The following PPP1R12A variants were observed in gnomAD, a reference collection of about 807,000 sequenced individuals.
PPP1R12A encodes protein phosphatase 1 regulatory subunit 12A.
A neutral mutation model predicts 139.6 loss-of-function variants in PPP1R12A; 19 were observed. The ratio of observed to expected loss-of-function variants is 0.14; its 90% CI spans 0.09 to 0.20. The LOEUF is 0.20. PPP1R12A is among the 10% of genes least tolerant of loss of function. PPP1R12A has a pLI of 1.00. For synonymous variants in PPP1R12A, 427 were observed against 420.6 expected (o/e 1.02, Z -0.19); for missense variants, 925 against 1,211.5 (o/e 0.76, Z 3.51).
At chr12:79,878,300 C>T (rs1883311389) in intron 1 of PPP1R12A, 1 of 152,000 alleles carries the variant, frequency 6.6e-6, no homozygotes, top group Non-Finnish European at 1.5e-5. Flanking sequence ...TCCTGAAGTT[C>T]CACATACCAA....
At position 79,933,672 on chromosome 12, in the gene PPP1R12A, A is replaced by C. The variant is rs1309533118; in HGVS notation, c.237+1023T>G. ...GTCACTTAAAAATTGCTTTTTATGC[A>C]TAACTCTACGTGGTTGTGTTGCTTT... On this transcript the variant is annotated intron_variant, in intron 1 of 24. Coordinates refer to ENST00000450142, the MANE Select transcript of PPP1R12A (RefSeq NM_002480.3). Among the ~76,000 whole-genome samples, 3 of 152,246 alleles carry C rather than the reference A, an allele frequency of 2.0e-5. No individual in the cohort carries two copies. The South Asian group carries it at 6.2e-4, about 31-fold the overall frequency.
intron 1 of PPP1R12A, among the ~76,000 whole-genome samples, chr12:79,886,123 G>A (rs999300917): frequency 6.6e-6 from 1 of 152,170 alleles, no homozygotes; most frequent in African/African-American, 2.4e-5. Context: ...TATGTTTAAA[G>A]AGGAACTGAA....
intron 1 of PPP1R12A, among the ~76,000 whole-genome samples, chr12:79,874,949 G>A (rs1304541699): frequency 6.6e-6 from 1 of 152,140 alleles, no homozygotes; most frequent in Non-Finnish European, 1.5e-5. Flanking sequence ...ATCTAAGCAT[G>A]CTGATTCCTT....
At chr12:79,853,015 G>A (rs1292412854) in intron 2 of PPP1R12A, among the ~76,000 whole-genome samples, 1 of 152,144 alleles carries the variant, frequency 6.6e-6, no homozygotes, top group Non-Finnish European at 1.5e-5. Flanking sequence ...ACCATTCTAT[G>A]GGAATTAAAG....
chr12:79,873,792 T>C (rs1416369907), intron 1 of PPP1R12A, among the ~76,000 whole-genome samples: 2 of 152,174 alleles, frequency 1.3e-5, no homozygotes, highest in Non-Finnish European at 2.9e-5. Context: ...GGGAAGTGTA[T>C]GTTAAAGCAC....
Position 79,786,396 on chromosome 12 carries a change from A to G in PPP1R12A, c.2885T>C (p.Leu962Ser). The G allele has an allele frequency of 6.4e-7, 1 of 1,555,648 alleles. No homozygotes were observed. The highest frequency in any genetic ancestry group is 2.3e-5 in the East Asian group (1 of 42,774). ...DTNMELTDLKLQLEKATQRQE... is the reference protein window; with the variant it reads ...DTNMELTDLKSQLEKATQRQE... ...AACCTGGGTGGCCTTTTCCAACTGT[A>G]ATTTAAGATCTGTTAGTTCCATATT... Residue 962 changes from leucine to serine, a missense_variant, in exon 22 of 25, where the codon TTA becomes TCA. This residue lies in a region of PPP1R12A where 315 missense variants were observed against 363.4 expected (regional missense o/e 0.87). Transcript: ENST00000450142.
intron 9 of PPP1R12A, among the ~76,000 whole-genome samples, chr12:79,812,391 C>CGTGTGTGCGTGTGTGT (rs1555202886): frequency 3.0e-5 from 4 of 134,510 alleles, no homozygotes; most frequent in African/African-American, 1.1e-4. Context: ...TCTGTGTGTG[C>CGTGTGTGCGTGTGTGT]GTGTGTGTGT....
intron 1 of PPP1R12A, among the ~76,000 whole-genome samples, chr12:79,879,681 A>G (rs1883446036): frequency 6.6e-6 from 1 of 152,154 alleles, no homozygotes; most frequent in African/African-American, 2.4e-5. Context: ...TGGTGATAAG[A>G]CTCAGAACCA....
chr12:79,773,859 T>C lies in PPP1R12A; in HGVS notation c.*2070A>G, dbSNP rs1869485560. 6.6e-6 allele frequency: 1 copy of C among 152,256 alleles called. No homozygotes were observed. The highest frequency in any genetic ancestry group is 6.5e-5 in the Admixed American group (1 of 15,288). 9.4% of individuals were successfully genotyped at this position (152,256 alleles called of 1,614,324 possible). ...TTCATTTTATTTGTATATGTCAAAA[T>C]ACATTTTTATTTCCAAAATAGTGGG... is the stretch of plus-strand genomic sequence containing the variant. On this transcript the variant is annotated 3_prime_UTR_variant, in exon 25 of 25. Transcript: ENST00000450142.
intron 22 of PPP1R12A, among the ~76,000 whole-genome samples, chr12:79,784,198 G>C (rs536361096): frequency 2.6e-5 from 4 of 152,032 alleles, no homozygotes; most frequent in Admixed American, 6.5e-5. Flanking sequence ...AGTAGATTCA[G>C]GATAAATACC....
intron 2 of PPP1R12A, among the ~76,000 whole-genome samples, chr12:79,867,699 A>G (rs1592739996): frequency 6.6e-6 from 1 of 152,186 alleles, no homozygotes; most frequent in East Asian, 1.9e-4. Flanking sequence ...CTTGAATTGT[A>G]GTTTCCATAA....
chr12:79,880,550 C>A (rs1883541699), intron 1 of PPP1R12A, among the ~76,000 whole-genome samples: 1 of 152,030 alleles, frequency 6.6e-6, no homozygotes, highest in Non-Finnish European at 1.5e-5. Context: ...CTGCTATGTT[C>A]CCATCAGTAA....
Position 79,934,683 on chromosome 12 carries a change from G to T in PPP1R12A, c.237+12C>A. 6.6e-7 allele frequency: 1 copy of T among 1,512,544 alleles called. No homozygotes were observed. The allele number at this position is 1,512,544 out of a possible 1,614,324, so 93.7% of individuals were successfully genotyped here. A position where few individuals can be genotyped will look rare whatever the true frequency, so the allele number is the denominator to read the frequency against. On this transcript the variant is annotated intron_variant, in intron 1 of 24. Transcript: ENST00000450142. ...CTCACGGTCAGGAGAGCCGGCGGCG[G>T]GGCGCACAGACCTGGTGCAGGGCAG... is the stretch of plus-strand genomic sequence containing the variant.
At chr12:79,901,814 A>T (rs1164432826) in intron 1 of PPP1R12A, among the ~76,000 whole-genome samples, 2 of 152,214 alleles carry the variant, frequency 1.3e-5, no homozygotes, top group African/African-American at 4.8e-5. Flanking sequence ...GAGGCATGAA[A>T]GAACAGGGCG....
intron 1 of PPP1R12A, among the ~76,000 whole-genome samples, chr12:79,932,935 T>C (rs1410772409): frequency 1.3e-5 from 2 of 152,236 alleles, no homozygotes; most frequent in East Asian, 3.8e-4. Context: ...CCAATTATCC[T>C]GACCTCCTAC....
At chr12:79,934,288 G>A (rs969922971) in intron 1 of PPP1R12A, among the ~76,000 whole-genome samples, 9 of 152,072 alleles carry the variant, frequency 5.9e-5, no homozygotes, top group Non-Finnish European at 1.0e-4. Flanking sequence ...CGTCCGTAAT[G>A]CCCCTTGTTA....
chr12:79,792,776 T>C (rs1592620718), intron 19 of PPP1R12A, among the ~76,000 whole-genome samples: 1 of 152,194 alleles, frequency 6.6e-6, no homozygotes, highest in East Asian at 1.9e-4. Context: ...ACTAATTTCC[T>C]CCCCTCTTGT....
In PPP1R12A at chr12:79,792,656, T is replaced by C. The variant is rs371148785; in HGVS notation, c.2649+1207A>G. 8.9e-4 allele frequency among the ~76,000 whole-genome samples: 136 copies of C among 152,282 alleles called. 3 individuals carry two copies. The highest frequency in any genetic ancestry group is 3.0e-3 in the African/African-American group (124 of 41,564). On this transcript the variant is annotated intron_variant, in intron 19 of 24. Coordinates refer to ENST00000450142, the MANE Select transcript of PPP1R12A (RefSeq NM_002480.3). The stretch of plus-strand genomic sequence containing the variant: ...ACTTAAAATACAGTATACATCAATA[T>C]GCTTCAAAATTACAACTTTAAAAGC...
chr12:79,794,550 G>GA (rs947008550), intron 18 of PPP1R12A, among the ~76,000 whole-genome samples: 2 of 151,132 alleles, frequency 1.3e-5, no homozygotes, highest in African/African-American at 4.9e-5. Flanking sequence ...AAAAAGTTCA[G>GA]AAAAAAGTTG....
Sources: allele counts gnomAD v4.1 joint callset (sites outside exome capture counted in the v4.1 genomes callset), GRCh38; gene constraint gnomAD v4.1.1; regional missense constraint gnomAD v4.1.1; transcripts MANE v1.5; gene names NCBI Gene and HGNC (gene_info 2026-07-23, HGNC 2026-07-21).